The following FAM13A variants were observed in gnomAD, a reference collection of about 807,000 sequenced individuals.
The protein encoded by FAM13A is family with sequence similarity 13 member A.
A neutral mutation model predicts 129.6 loss-of-function variants in FAM13A; 76 were observed. The ratio of observed to expected loss-of-function variants is 0.59; its 90% confidence interval spans 0.49 to 0.71. FAM13A has a LOEUF of 0.71. Among genes scored for constraint, FAM13A ranks in the 30% least tolerant of loss-of-function variants. The probability of loss-of-function intolerance (pLI) is 0.00; values close to 1 mark genes in which losing one functional copy is unlikely to be tolerated. For missense variants in FAM13A, 1,108 were observed against 1,249.3 expected (o/e 0.89, Z 1.70); for synonymous variants, 443 against 449.9 (o/e 0.98, Z 0.20).
At chr4:88,773,365 G>A (rs1379833955) in intron 11 of FAM13A, among the ~76,000 whole-genome samples, 2 of 152,066 alleles carry the variant, frequency 1.3e-5, no homozygotes, top group African/African-American at 4.8e-5. Flanking sequence ...AGGTTTTCTT[G>A]AACCCACTTA....
chr4:88,938,385 G>A (rs1179772945), intron 4 of FAM13A, 144 bp from the exon 5 acceptor site: 7 of 600,540 alleles, frequency 1.2e-5, no homozygotes, highest in African/African-American at 9.4e-5. Flanking sequence ...TTGGTAACAT[G>A]CATGACATTG....
At chr4:88,883,058 T>C (rs1254409247) in intron 6 of FAM13A, among the ~76,000 whole-genome samples, 1 of 152,006 alleles carries the variant, frequency 6.6e-6, no homozygotes, top group Non-Finnish European at 1.5e-5. Context: ...AGCAATACAA[T>C]AATAGTCAGA....
chr4:88,944,866 G>A (rs1050452868), intron 4 of FAM13A, among the ~76,000 whole-genome samples: 3 of 150,776 alleles, frequency 2.0e-5, no homozygotes, highest in African/African-American at 4.9e-5. Context: ...TCATGCCACT[G>A]CACTCCAGCC....
At chr4:88,842,248 A>G (rs1430448074) in intron 7 of FAM13A, among the ~76,000 whole-genome samples, 3 of 152,212 alleles carry the variant, frequency 2.0e-5, no homozygotes, top group African/African-American at 7.2e-5. Flanking sequence ...CTGACTATTG[A>G]CAAAGTGGGA....
chr4:88,988,820 G>A lies in FAM13A; in HGVS notation c.605+2153C>T, dbSNP rs577172020. On this transcript the variant is annotated intron_variant, in intron 4 of 23. Coordinates refer to ENST00000264344, the MANE Select transcript of FAM13A (RefSeq NM_014883.4). ...GGCTACTCTGGCCAAGATAAATAGT[G>A]AGAAGACAAAATTAACATTAGAAAA... Among the ~76,000 whole-genome samples, 3 of 152,232 alleles carry A rather than the reference G, an allele frequency of 2.0e-5. No individual in the cohort carries two copies. In the East Asian group the frequency reaches 5.8e-4, roughly 29 times the overall value.
chr4:88,762,079 G>A (rs1393106210), intron 13 of FAM13A, among the ~76,000 whole-genome samples: 1 of 152,158 alleles, frequency 6.6e-6, no homozygotes, highest in Non-Finnish European at 1.5e-5. Flanking sequence ...CTGTGATAAA[G>A]TGACAGGAAG....
Position 88,928,592 on chromosome 4 carries a change from G to GT in FAM13A, c.759+9495dup, listed in dbSNP as rs1457978773. Among the ~76,000 whole-genome samples, 8 of 152,104 alleles carry GT rather than the reference G, an allele frequency of 5.3e-5. No individual in the cohort carries two copies. In the South Asian group the frequency reaches 1.5e-3, roughly 28 times the overall value. Reference sequence around the variant, plus strand: ...TATTACTGTTTTTGATTTAAAGTTTGTTTTATCTGATATAAGTATAGCTAC... The same window carrying GT: ...TATTACTGTTTTTGATTTAAAGTTTGTTTTTATCTGATATAAGTATAGCTAC... On this transcript the variant is annotated intron_variant, in intron 5 of 23. Transcript: ENST00000264344.
chr4:89,010,365 T>C (rs561323369), intron 3 of FAM13A, among the ~76,000 whole-genome samples: 1 of 152,320 alleles, frequency 6.6e-6, no homozygotes, highest in Admixed American at 6.5e-5. Context: ...AGGTTGACAC[T>C]ACCAAGTGTA....
chr4:88,792,008 C>A (rs1470110295), intron 8 of FAM13A, among the ~76,000 whole-genome samples: 1 of 151,978 alleles, frequency 6.6e-6, no homozygotes, highest in Non-Finnish European at 1.5e-5. Flanking sequence ...CAGACAAACC[C>A]AGAAAAACCA....
chr4:88,936,562 C>G (rs1242995382), intron 5 of FAM13A: 2 of 152,508 alleles, frequency 1.3e-5, no homozygotes, highest in Non-Finnish European at 2.9e-5. Context: ...CACCTCCCAC[C>G]AGGCCCCAGC....
intron 3 of FAM13A, among the ~76,000 whole-genome samples, chr4:89,016,843 C>T (rs1340210745): frequency 6.6e-6 from 1 of 152,162 alleles, no homozygotes; most frequent in African/African-American, 2.4e-5. Context: ...CCATGTCACC[C>T]AGGCTGATCT....
chr4:88,807,924 T>C (rs1213361292), intron 7 of FAM13A, among the ~76,000 whole-genome samples: 3 of 152,192 alleles, frequency 2.0e-5, no homozygotes, highest in African/African-American at 4.8e-5. Flanking sequence ...CCCCTGAATT[T>C]TGACCAGTTT....
intron 5 of FAM13A, among the ~76,000 whole-genome samples, chr4:88,915,045 G>A (rs920285208): frequency 2.0e-5 from 3 of 152,188 alleles, no homozygotes; most frequent in Admixed American, 6.5e-5. Flanking sequence ...CTGGAGAGCA[G>A]AAGACAGAGA....
chr4:88,944,214 T>C (rs1755251849), intron 4 of FAM13A, among the ~76,000 whole-genome samples: 1 of 152,104 alleles, frequency 6.6e-6, no homozygotes. Flanking sequence ...TAGCTGGGCA[T>C]GATGGCATGC....
chr4:89,030,225 C>T (rs1370364030), intron 1 of FAM13A, among the ~76,000 whole-genome samples: 2 of 151,920 alleles, frequency 1.3e-5, no homozygotes, highest in Non-Finnish European at 2.9e-5. Flanking sequence ...GCCCTCAAAT[C>T]TTTGAAACAA....
At chr4:88,731,939 A>C (rs1737909634) in intron 22 of FAM13A, 63 bp downstream of exon 22, 1 of 1,281,322 alleles carries the variant, frequency 7.8e-7, no homozygotes, top group South Asian at 1.5e-5. Context: ...ACAAAGGCTA[A>C]GATAATATTT....
chr4:88,736,594 T>C (rs758154945), intron 21 of FAM13A: 9 of 152,234 alleles, frequency 5.9e-5, no homozygotes, highest in Non-Finnish European at 1.2e-4. Context: ...AAAAAATGAT[T>C]GCCTTTGATT....
intron 1 of FAM13A, among the ~76,000 whole-genome samples, chr4:89,054,450 T>C (rs1387932565): frequency 6.6e-6 from 1 of 152,160 alleles, no homozygotes; most frequent in African/African-American, 2.4e-5. Context: ...CAAAAAGCTA[T>C]ACCCCAAAAT....
chr4:88,919,283 A>C lies in FAM13A; in HGVS notation c.760-12821T>G, dbSNP rs1327519845. Reference sequence around the variant, plus strand: ...AGGGTTGCCATGTACAGCAGTCAGCATGTCTTAAAAAGGAATGCACAGAAT... The same window carrying C: ...AGGGTTGCCATGTACAGCAGTCAGCCTGTCTTAAAAAGGAATGCACAGAAT... On this transcript the variant is annotated intron_variant, in intron 5 of 23. Coordinates refer to ENST00000264344, the MANE Select transcript of FAM13A (RefSeq NM_014883.4). Among the ~76,000 whole-genome samples, 3 of 152,348 alleles carry C rather than the reference A, an allele frequency of 2.0e-5. 1 individual carries two copies. The South Asian group carries it at 6.2e-4, about 32-fold the overall frequency.
Sources: allele counts gnomAD v4.1 joint callset (sites outside exome capture counted in the v4.1 genomes callset), GRCh38; gene constraint gnomAD v4.1.1; transcripts MANE v1.5; gene names NCBI Gene and HGNC (gene_info 2026-07-23, HGNC 2026-07-21).